The following FBXL4 variants were observed in gnomAD, a reference collection of about 807,000 sequenced individuals.
FBXL4 encodes the protein F-box/LRR-repeat protein 4.
A neutral mutation model predicts 58.9 loss-of-function variants in FBXL4; 40 were observed. The ratio of observed to expected loss-of-function variants is 0.68; its 90% CI spans 0.53 to 0.88. The LOEUF (loss-of-function observed/expected upper bound fraction) is 0.88, where lower values mean the gene tolerates loss of function less well. Ranked by LOEUF, FBXL4 falls within the 40% of genes least tolerant of loss-of-function variation. The pLI is 0.00. For synonymous variants in FBXL4, 263 were observed against 265.5 expected (o/e 0.99, Z 0.09); for missense variants, 676 against 734.4 (o/e 0.92, Z 0.92).
chr6:98,899,523 G>T (rs1282012028), intron 6 of FBXL4, 42 bp from the exon 7 acceptor site: 2 of 1,577,112 alleles, frequency 1.3e-6, no homozygotes, highest in Admixed American at 1.8e-5. Flanking sequence ...AAAACTAAAA[G>T]ATATTTTTGC....
chr6:98,878,372 A>C (rs984192265), intron 8 of FBXL4, among the ~76,000 whole-genome samples: 3 of 152,116 alleles, frequency 2.0e-5, no homozygotes, highest in Admixed American at 1.3e-4. Context: ...CACCATTGTA[A>C]AACTCTAAGA....
chr6:98,918,664 A>G (rs1265360156), intron 4 of FBXL4, among the ~76,000 whole-genome samples: 1 of 152,124 alleles, frequency 6.6e-6, no homozygotes, highest in Non-Finnish European at 1.5e-5. Context: ...AAACATTTAA[A>G]AATACTTCAA....
At chr6:98,877,755 T>C (rs1770707267) in intron 8 of FBXL4, among the ~76,000 whole-genome samples, 2 of 152,162 alleles carry the variant, frequency 1.3e-5, no homozygotes, top group South Asian at 2.1e-4. Context: ...CTTAAGAAAA[T>C]AGCAGGTAGG....
At chr6:98,890,036 A>G (rs914283911) in intron 7 of FBXL4, among the ~76,000 whole-genome samples, 1 of 152,182 alleles carries the variant, frequency 6.6e-6, no homozygotes. Context: ...ATTTATGCAT[A>G]CCTGTACATT....
At chr6:98,878,034 AC>A (rs766622693) in intron 8 of FBXL4, among the ~76,000 whole-genome samples, 1 of 152,222 alleles carries the variant, frequency 6.6e-6, no homozygotes, top group Non-Finnish European at 1.5e-5. Flanking sequence ...CACTTGTGGC[AC>A]AAAGATTAGT....
intron 5 of FBXL4, among the ~76,000 whole-genome samples, chr6:98,912,542 AT>A (rs1772134122): frequency 6.6e-6 from 1 of 152,182 alleles, no homozygotes. Flanking sequence ...AAAGAAAATA[AT>A]TTTCAACCCA....
intron 4 of FBXL4, among the ~76,000 whole-genome samples, chr6:98,917,939 T>G (rs547191688): frequency 1.3e-5 from 2 of 152,286 alleles, no homozygotes; most frequent in South Asian, 2.1e-4. Context: ...CAGTCCTTTT[T>G]TACAGATTTC....
rs565689045 is a variant in FBXL4, at chr6:98,935,410, G to A, written c.-308-531C>T. Among the ~76,000 whole-genome samples, 16 of 151,962 alleles carry A rather than the reference G, an allele frequency of 1.1e-4. No homozygotes were observed. In the South Asian group the frequency reaches 3.3e-3, roughly 32 times the overall value. On this transcript the variant is annotated intron_variant, in intron 1 of 9. Transcript: ENST00000369244. The stretch of plus-strand genomic sequence containing the variant: ...GATATGTTTCTAATTACACAGGTAC[G>A]ATGATACAACATAACTTAGAAATAG...
At chr6:98,901,068 C>A (rs1054540604) in intron 6 of FBXL4, among the ~76,000 whole-genome samples, 3 of 152,034 alleles carry the variant, frequency 2.0e-5, no homozygotes, top group Non-Finnish European at 2.9e-5. Context: ...AAACAAAATC[C>A]CTGCTCTCAT....
chr6:98,926,970 T>C lies in FBXL4; in HGVS notation c.19A>G (p.Met7Val). The change falls in exon 4 of 10, where the codon ATG becomes GTG. Residue 7 changes from methionine (M) to valine (V), a missense_variant. Met to Val is a conservative substitution (Grantham distance 21). Coordinates refer to ENST00000369244, the MANE Select transcript of FBXL4 (RefSeq NM_001278716.2). ...TAAAACATGGTCAGAACTGTTAACA[T>C]GGGAAAGACCGGTGACATCTAGATG... MSPVFP[M>V]LTVLTMFYYI... 6.2e-7 allele frequency: 1 copy of C among 1,613,808 alleles called. No individual in the cohort carries two copies. The highest frequency in any genetic ancestry group is 8.5e-7 in the Non-Finnish European group (1 of 1,179,796).
At chr6:98,910,861 G>A (rs145308139) in intron 5 of FBXL4, among the ~76,000 whole-genome samples, 1,984 of 152,274 alleles carry the variant, frequency 0.013, 34 homozygotes, top group African/African-American at 0.046. Context: ...TGCGCCAGCC[G>A]AAGCAGGGCG....
Position 98,908,100 on chromosome 6 carries a change from C to T in FBXL4, c.859-2430G>A, listed in dbSNP as rs112695976. On this transcript the variant is annotated intron_variant, in intron 5 of 9. Transcript: ENST00000369244. Reference sequence around the variant, plus strand: ...ACACCTGTTGATGTGTAAAATATTACACAAACAAAAATCAAAAATTTCAAG... The same window carrying T: ...ACACCTGTTGATGTGTAAAATATTATACAAACAAAAATCAAAAATTTCAAG... Among the ~76,000 whole-genome samples the T allele has an allele frequency of 1.6e-3, 249 of 152,190 alleles. 2 individuals carry two copies. Among genetic ancestry groups the T allele is most frequent in the African/African-American group, 5.5e-3 (228 of 41,520 alleles).
chr6:98,882,122 G>T (rs886084671), intron 7 of FBXL4, among the ~76,000 whole-genome samples: 1 of 151,948 alleles, frequency 6.6e-6, no homozygotes, highest in African/African-American at 2.4e-5. Flanking sequence ...CACACAACTT[G>T]TTTGGTAATT....
intron 6 of FBXL4, among the ~76,000 whole-genome samples, chr6:98,901,071 G>C (rs535851499): frequency 6.6e-6 from 1 of 152,196 alleles, no homozygotes; most frequent in African/African-American, 2.4e-5. Context: ...CAAAATCCCT[G>C]CTCTCATGAA....
intron 1 of FBXL4, among the ~76,000 whole-genome samples, chr6:98,936,626 TAATA>T (rs1455574764): frequency 2.0e-5 from 3 of 152,204 alleles, no homozygotes. Flanking sequence ...ATGATTTTCT[TAATA>T]TTTTCTTTCT....
At chr6:98,943,394 G>A (rs1264169136) in intron 1 of FBXL4, among the ~76,000 whole-genome samples, 1 of 151,800 alleles carries the variant, frequency 6.6e-6, no homozygotes, top group African/African-American at 2.4e-5. Flanking sequence ...GCAACATGGT[G>A]AAGCCCCATC....
rs546977585 is a variant in FBXL4, at chr6:98,912,723, C to T, written c.858+4651G>A. On this transcript the variant is annotated intron_variant, in intron 5 of 9. Transcript: ENST00000369244. ...ACCGGTACCAGCTGCTGCAAAATCA[C>T]GCCAAAATGTAAAGACCATCGAGAA... Among the ~76,000 whole-genome samples, 659 of 151,554 alleles carry T rather than the reference C, an allele frequency of 4.3e-3. 4 individuals carry two copies. The highest frequency in any genetic ancestry group is 0.014 in the African/African-American group (556 of 41,078).
In FBXL4 at chr6:98,869,362, G is replaced by A. The variant is rs1770434881; in HGVS notation, c.*4916C>T. The A allele has an allele frequency of 1.3e-5, 2 of 152,248 alleles. No homozygotes were observed. Among genetic ancestry groups the A allele is most frequent in the Admixed American group, 1.3e-4 (2 of 15,284 alleles). 9.4% of individuals were successfully genotyped at this position (152,248 alleles called of 1,614,324 possible). On this transcript the variant is annotated 3_prime_UTR_variant, in exon 10 of 10. Transcript: ENST00000369244. The stretch of plus-strand genomic sequence containing the variant: ...ATTAACATACATGGGGCCTGACACA[G>A]TGGCTTATGCCCGTAATCCCAGCAC...
chr6:98,940,503 G>A (rs1773393827), intron 1 of FBXL4, among the ~76,000 whole-genome samples: 1 of 152,020 alleles, frequency 6.6e-6, no homozygotes. Context: ...CTAGTGGGTG[G>A]GTGGTGATAC....
Sources: allele counts gnomAD v4.1 joint callset (sites outside exome capture counted in the v4.1 genomes callset), GRCh38; gene constraint gnomAD v4.1.1; transcripts MANE v1.5; gene names NCBI Gene and HGNC (gene_info 2026-07-23, HGNC 2026-07-21).